ZFAND3: variants seen among roughly 807,000 people sequenced by gnomAD.
The protein encoded by ZFAND3 is zinc finger AN1-type containing 3, also known as AN1-type zinc finger protein 3.
Under a neutral mutation model 29.6 loss-of-function variants are expected in ZFAND3, and 10 were observed. The ratio of observed to expected loss-of-function variants is 0.34; its 90% confidence interval spans 0.21 to 0.57. The LOEUF (loss-of-function observed/expected upper bound fraction) is 0.57, where lower values mean the gene tolerates loss of function less well. ZFAND3 is among the 20% of genes least tolerant of loss of function. The pLI is 0.86. For synonymous variants in ZFAND3, 128 were observed against 112.6 expected (o/e 1.14, Z -0.87); for missense variants, 230 against 304.5 (o/e 0.76, Z 1.82).
At chr6:37,929,605 CAT>C (rs1232388661) in intron 1 of ZFAND3, among the ~76,000 whole-genome samples, 1 of 152,100 alleles carries the variant, frequency 6.6e-6, no homozygotes. Context: ...ATGTGGTAAT[CAT>C]GTGGTTTAAA....
At position 37,824,724 on chromosome 6, in the gene ZFAND3, C is replaced by T. The variant is rs546510990; in HGVS notation, c.71+4708C>T. 3.3e-5 allele frequency among the ~76,000 whole-genome samples: 5 copies of T among 152,282 alleles called. No homozygotes were observed. The East Asian group carries it at 9.6e-4, about 29-fold the overall frequency. On this transcript the variant is annotated intron_variant, in intron 1 of 5. Coordinates refer to ENST00000287218, the MANE Select transcript of ZFAND3 (RefSeq NM_021943.3). Reference sequence around the variant, plus strand: ...TTTTGATTTTAAAAAAGAAGCTCTTCTAACAAGTCATGACAAAGCAAATAT... The same window carrying T: ...TTTTGATTTTAAAAAAGAAGCTCTTTTAACAAGTCATGACAAAGCAAATAT...
At chr6:37,925,259 A>G (rs901143007) in intron 1 of ZFAND3, among the ~76,000 whole-genome samples, 1 of 152,180 alleles carries the variant, frequency 6.6e-6, no homozygotes, top group African/African-American at 2.4e-5. Context: ...ATAAAAAGCT[A>G]TTTACAGTGG....
At chr6:37,850,172 G>A (rs1033146560) in intron 1 of ZFAND3, among the ~76,000 whole-genome samples, 2 of 152,150 alleles carry the variant, frequency 1.3e-5, no homozygotes, top group Admixed American at 6.5e-5. Flanking sequence ...AGAATAAAAC[G>A]TAGATGACTG....
intron 1 of ZFAND3, among the ~76,000 whole-genome samples, chr6:37,887,261 A>T (rs762975611): frequency 2.6e-5 from 4 of 152,204 alleles, no homozygotes; most frequent in Non-Finnish European, 5.9e-5. Flanking sequence ...AAAACACATC[A>T]GAGTTACTTC....
At chr6:37,890,760 A>T (rs1267820484) in intron 1 of ZFAND3, among the ~76,000 whole-genome samples, 2 of 152,222 alleles carry the variant, frequency 1.3e-5, no homozygotes, top group Admixed American at 1.3e-4. Context: ...GGTATTGTAG[A>T]GTTCTTGATA....
chr6:38,025,801 G>T (rs1410306844), intron 2 of ZFAND3, among the ~76,000 whole-genome samples: 1 of 152,126 alleles, frequency 6.6e-6, no homozygotes, highest in Admixed American at 6.5e-5. Context: ...TCACTTATAT[G>T]AAATGTCCAA....
chr6:37,872,513 C>T (rs1233449138), intron 1 of ZFAND3, among the ~76,000 whole-genome samples: 2 of 152,056 alleles, frequency 1.3e-5, no homozygotes, highest in Non-Finnish European at 2.9e-5. Flanking sequence ...CTCAGAAACC[C>T]CTTTCATTTC....
intron 1 of ZFAND3, among the ~76,000 whole-genome samples, chr6:37,907,696 T>G (rs1765434387): frequency 6.6e-6 from 1 of 152,226 alleles, no homozygotes; most frequent in African/African-American, 2.4e-5. Flanking sequence ...AGTACAAGTC[T>G]TTGTGAGGAC....
intron 2 of ZFAND3, among the ~76,000 whole-genome samples, chr6:38,024,470 C>CAAAA (rs34123545): frequency 8.0e-5 from 9 of 112,674 alleles, no homozygotes; most frequent in African/African-American, 3.0e-4. Context: ...GACTCCGTCT[C>CAAAA]AAAAAAAAAA....
At chr6:37,868,012 A>G (rs1764620010) in intron 1 of ZFAND3, among the ~76,000 whole-genome samples, 1 of 152,192 alleles carries the variant, frequency 6.6e-6, no homozygotes, top group South Asian at 2.1e-4. Flanking sequence ...GAGATAAATA[A>G]GCTAATGTAA....
At chr6:37,849,157 AG>A (rs1414976353) in intron 1 of ZFAND3, among the ~76,000 whole-genome samples, 2 of 152,184 alleles carry the variant, frequency 1.3e-5, no homozygotes, top group South Asian at 2.1e-4. Context: ...CGGGGGCTGC[AG>A]GGGGCCAGAA....
At chr6:38,133,132 A>G (rs891928792) in intron 5 of ZFAND3, among the ~76,000 whole-genome samples, 2 of 152,154 alleles carry the variant, frequency 1.3e-5, no homozygotes, top group Admixed American at 1.3e-4. Flanking sequence ...CTCCCCTGAG[A>G]CAGCTCAACA....
intron 2 of ZFAND3, among the ~76,000 whole-genome samples, chr6:37,962,472 A>G (rs1263254845): frequency 1.3e-5 from 2 of 152,228 alleles, no homozygotes; most frequent in Non-Finnish European, 1.5e-5. Flanking sequence ...AAAACTATCA[A>G]TATCCAAGTA....
chr6:38,077,202 GA>G (rs887052559), intron 3 of ZFAND3, among the ~76,000 whole-genome samples: 4 of 145,058 alleles, frequency 2.8e-5, no homozygotes, highest in African/African-American at 2.5e-5. Flanking sequence ...GGCTTAGGAG[GA>G]AAAAAAAAAG....
intron 2 of ZFAND3, among the ~76,000 whole-genome samples, chr6:37,930,763 C>T (rs984508253): frequency 4.6e-5 from 7 of 152,116 alleles, no homozygotes; most frequent in African/African-American, 1.2e-4. Flanking sequence ...TTCTATCTAG[C>T]GATCCTATAT....
chr6:38,054,545 T>TA (rs1268283625), intron 2 of ZFAND3, among the ~76,000 whole-genome samples: 4 of 152,018 alleles, frequency 2.6e-5, no homozygotes, highest in African/African-American at 4.8e-5. Flanking sequence ...TAATTTTTTT[T>TA]AAAAAAGAAG....
chr6:37,890,689 G>T (rs965614170), intron 1 of ZFAND3, among the ~76,000 whole-genome samples: 2 of 152,162 alleles, frequency 1.3e-5, no homozygotes, highest in Non-Finnish European at 2.9e-5. Context: ...AGTTATAATT[G>T]TTGCTAATTC....
chr6:37,999,000 A>G (rs769252508), intron 2 of ZFAND3, among the ~76,000 whole-genome samples: 8 of 152,218 alleles, frequency 5.3e-5, no homozygotes, highest in Non-Finnish European at 7.3e-5. Flanking sequence ...CCTGGTTTCT[A>G]ATAACCATTC....
intron 1 of ZFAND3, among the ~76,000 whole-genome samples, chr6:37,822,912 G>T (rs1343156859): frequency 6.6e-6 from 1 of 152,116 alleles, no homozygotes; most frequent in African/African-American, 2.4e-5. Context: ...ATTGTGAAGG[G>T]TGATCACAAT....
Sources: allele counts gnomAD v4.1 joint callset (sites outside exome capture counted in the v4.1 genomes callset), GRCh38; gene constraint gnomAD v4.1.1; transcripts MANE v1.5; gene names NCBI Gene and HGNC (gene_info 2026-07-23, HGNC 2026-07-21).